The following EXOC5 variants were observed in gnomAD, a reference collection of about 807,000 sequenced individuals.
EXOC5 encodes the protein SEC10-like 1.
Under a neutral mutation model 90.8 loss-of-function variants are expected in EXOC5, and 17 were observed. The observed-to-expected ratio is 0.19, with a 90% CI of 0.13 to 0.28. EXOC5 has a LOEUF of 0.28. Ranked by LOEUF, EXOC5 falls within the 10% of genes least tolerant of loss-of-function variation. EXOC5 has a pLI of 1.00. For missense variants in EXOC5, 569 were observed against 830.6 expected (o/e 0.69, Z 3.87); for synonymous variants, 260 against 270.0 (o/e 0.96, Z 0.36).
chr14:57,200,684 A>G lies in EXOC5; in HGVS notation c.*7925T>C, dbSNP rs1882474294. 1 of 151,630 alleles carries G rather than the reference A, an allele frequency of 6.6e-6. No homozygotes were observed. The highest frequency in any genetic ancestry group is 1.5e-5 in the Non-Finnish European group (1 of 67,942). The allele number at this position is 151,630 out of a possible 1,614,324, so 9.4% of individuals were successfully genotyped here. On this transcript the variant is annotated 3_prime_UTR_variant, in exon 18 of 18. Coordinates refer to ENST00000621441, the MANE Select transcript of EXOC5 (RefSeq NM_006544.4). ...GCATTTCAAATTTAATTCTTTCAAA[A>G]TGTAAGTTCTGTGTCTTGGGCATAA...
chr14:57,257,342 T>C lies in EXOC5; in HGVS notation c.28-9630A>G, dbSNP rs1407357802. On this transcript the variant is annotated intron_variant, in intron 1 of 17. Coordinates refer to ENST00000621441, the MANE Select transcript of EXOC5 (RefSeq NM_006544.4). The stretch of plus-strand genomic sequence containing the variant: ...TTAAAGTGTAGATGCCTATTAGATA[T>C]GTAAGAGAAATATAGAGCACATAGA... Among the ~76,000 whole-genome samples, 3 of 151,812 alleles carry C rather than the reference T, an allele frequency of 2.0e-5. No homozygotes were observed. The East Asian group carries it at 5.8e-4, about 29-fold the overall frequency.
intron 1 of EXOC5, among the ~76,000 whole-genome samples, chr14:57,266,661 T>C (rs947689180): frequency 2.0e-5 from 3 of 151,520 alleles, no homozygotes; most frequent in Non-Finnish European, 2.9e-5. Context: ...ACCATGTAAC[T>C]AGAGTCACTA....
At position 57,204,506 on chromosome 14, in the gene EXOC5, G is replaced by C. The variant is rs1882590705; in HGVS notation, c.*4103C>G. ...TTAAAAACTACCAATGTACTAAATA[G>C]TTAACACAATTGGCAAGCCTATGAC... On this transcript the variant is annotated 3_prime_UTR_variant, in exon 18 of 18. Transcript: ENST00000621441. 6.6e-6 allele frequency: 1 copy of C among 152,288 alleles called. No individual in the cohort carries two copies. The highest frequency in any genetic ancestry group is 6.5e-5 in the Admixed American group (1 of 15,284). The allele number at this position is 152,288 out of a possible 1,614,324, so 9.4% of individuals were successfully genotyped here.
At chr14:57,249,718 G>A (rs1232997460) in intron 1 of EXOC5, among the ~76,000 whole-genome samples, 1 of 152,016 alleles carries the variant, frequency 6.6e-6, no homozygotes, top group Non-Finnish European at 1.5e-5. Flanking sequence ...TGAAGAAAAT[G>A]AAAGAGGATA....
intron 17 of EXOC5, among the ~76,000 whole-genome samples, chr14:57,209,284 T>C (rs956112329): frequency 6.6e-6 from 1 of 151,782 alleles, no homozygotes; most frequent in African/African-American, 2.4e-5. Flanking sequence ...CCCAGCACTT[T>C]GGGAAGCTGA....
At chr14:57,222,182 C>G in intron 13 of EXOC5, 126 bp downstream of exon 13, 1 of 525,968 alleles carries the variant, frequency 1.9e-6, no homozygotes, top group South Asian at 3.3e-5. Context: ...TATAAAAGCT[C>G]AAACTTCATT....
In EXOC5 at chr14:57,244,333, T is replaced by C; in HGVS notation, c.297A>G (p.Leu99=). ...TTGCTACATAGCTAATGTGCTCATC[T>C]AGTTCTTGGAAATGTTGGAAGGCAA... ...NQVAFQHFQE[L]DEHISYVATK... The change falls in exon 4 of 18, where the codon CTA becomes CTG. Residue 99 remains leucine (L), a synonymous_variant. Coordinates refer to ENST00000621441, the MANE Select transcript of EXOC5 (RefSeq NM_006544.4). 1.2e-6 allele frequency: 2 copies of C among 1,613,558 alleles called. No homozygotes were observed. The highest frequency in any genetic ancestry group is 1.7e-6 in the Non-Finnish European group (2 of 1,179,716).
At chr14:57,234,870 T>C (rs1383785760) in intron 7 of EXOC5, among the ~76,000 whole-genome samples, 1 of 152,142 alleles carries the variant, frequency 6.6e-6, no homozygotes, top group Non-Finnish European at 1.5e-5. Flanking sequence ...TGGCCTTCTC[T>C]AGCATTTGGT....
chr14:57,238,375 T>TATACAC (rs1239623225), intron 5 of EXOC5, among the ~76,000 whole-genome samples: 1,705 of 74,708 alleles, frequency 0.023, 26 homozygotes, highest in East Asian at 0.033. Context: ...TATATATATA[T>TATACAC]ACACACACAC....
Position 57,204,555 on chromosome 14 carries a change from A to C in EXOC5, c.*4054T>G. ...ACATTTAAAATAGTTTTTGAACATA[A>C]AAACACTGATTTCTTCATATCTTCC... On this transcript the variant is annotated 3_prime_UTR_variant, in exon 18 of 18. Coordinates refer to ENST00000621441, the MANE Select transcript of EXOC5 (RefSeq NM_006544.4). The C allele has an allele frequency of 6.6e-6, 1 of 152,522 alleles. No individual in the cohort carries two copies. Among genetic ancestry groups the C allele is most frequent in the East Asian group, 1.9e-4 (1 of 5,204 alleles). The allele number at this position is 152,522 out of a possible 1,614,324, so 9.4% of individuals were successfully genotyped here.
chr14:57,227,974 A>G (rs1445550620), intron 12 of EXOC5, among the ~76,000 whole-genome samples: 1 of 145,432 alleles, frequency 6.9e-6, no homozygotes, highest in African/African-American at 2.7e-5. Flanking sequence ...ACACACACAC[A>G]CGTATGTAAA....
chr14:57,248,727 G>C (rs1456418670), intron 1 of EXOC5, among the ~76,000 whole-genome samples: 1 of 151,972 alleles, frequency 6.6e-6, no homozygotes, highest in Admixed American at 6.6e-5. Context: ...ATTACAATTT[G>C]AACTTTTATA....
At chr14:57,224,275 A>G (rs1295654045) in intron 12 of EXOC5, among the ~76,000 whole-genome samples, 2 of 152,140 alleles carry the variant, frequency 1.3e-5, no homozygotes, top group Admixed American at 6.5e-5. Context: ...GGGAAAAATT[A>G]ATGAAACCAA....
intron 15 of EXOC5, among the ~76,000 whole-genome samples, chr14:57,217,167 A>C (rs1419579774): frequency 6.6e-6 from 1 of 152,148 alleles, no homozygotes; most frequent in Non-Finnish European, 1.5e-5. Context: ...TGGGGATGTA[A>C]ATTGGTACAG....
chr14:57,215,937 C>T (rs1388712750), intron 15 of EXOC5, among the ~76,000 whole-genome samples: 1 of 151,916 alleles, frequency 6.6e-6, no homozygotes, highest in Non-Finnish European at 1.5e-5. Context: ...TCTAAAGACT[C>T]CATCAAAAAA....
At chr14:57,232,610 T>TA (rs1351625656) in intron 10 of EXOC5, 57 bp downstream of exon 10, 2 of 757,722 alleles carry the variant, frequency 2.6e-6, no homozygotes, top group African/African-American at 3.6e-5. Context: ...TCCTTGTTTT[T>TA]ATCAAAAAAA....
chr14:57,231,421 T>A, intron 11 of EXOC5, 85 bp downstream of exon 11: 1 of 818,672 alleles, frequency 1.2e-6, no homozygotes. Flanking sequence ...ATTCTAATGA[T>A]AGTCAACATT....
chr14:57,234,310 TTAGAG>T (rs770028216), intron 7 of EXOC5, among the ~76,000 whole-genome samples: 4 of 151,706 alleles, frequency 2.6e-5, no homozygotes, highest in Non-Finnish European at 4.4e-5. Flanking sequence ...ACTGAGTTCT[TTAGAG>T]TAATTTTTGT....
chr14:57,234,642 T>C (rs1199032873), intron 7 of EXOC5, among the ~76,000 whole-genome samples: 1 of 150,988 alleles, frequency 6.6e-6, no homozygotes, highest in East Asian at 2.0e-4. Flanking sequence ...CTTGGCTAAC[T>C]ACAACCTCTG....
Sources: allele counts gnomAD v4.1 joint callset (sites outside exome capture counted in the v4.1 genomes callset), GRCh38; gene constraint gnomAD v4.1.1; transcripts MANE v1.5; gene names NCBI Gene and HGNC (gene_info 2026-07-23, HGNC 2026-07-21).